KRIT1: variants seen among roughly 807,000 people sequenced by gnomAD.
The protein encoded by KRIT1 is krev interaction trapped protein 1.
KRIT1 carries 45 observed loss-of-function variants against 95.8 expected under a neutral mutation model. That is an observed-to-expected ratio of 0.47 (90% CI 0.37 to 0.60). KRIT1 has a LOEUF of 0.60. Ranked by LOEUF, KRIT1 falls within the 20% of genes least tolerant of loss-of-function variation. KRIT1 has a pLI of 0.00. For synonymous variants in KRIT1, 282 were observed against 278.8 expected (o/e 1.01, Z -0.11); for missense variants, 788 against 877.5 (o/e 0.90, Z 1.29).
In KRIT1 at chr7:92,213,369, T is replaced by G. The variant is rs906092829; in HGVS notation, c.1851A>C (p.Glu617Asp). 27 of 1,612,556 alleles carry G rather than the reference T, an allele frequency of 1.7e-5. No homozygotes were observed. The highest frequency in any genetic ancestry group is 2.3e-5 in the Non-Finnish European group (27 of 1,178,728). Residue 617 changes from glutamate to aspartate, a missense_variant, in exon 17 of 19, where the codon GAA (glutamate) becomes GAC (aspartate). Glu to Asp is a conservative substitution (Grantham distance 45). Transcript: ENST00000394505. ...AGAACATGCGCTGAAGGTGATGCATTTCTTTACTGACACCTTCACTTGTAC... is the reference window on the plus strand; with the variant it reads ...AGAACATGCGCTGAAGGTGATGCATGTCTTTACTGACACCTTCACTTGTAC... ...NLSTSEGVSK[E>D]MHHLQRMFLQ...
intron 14 of KRIT1, among the ~76,000 whole-genome samples, chr7:92,217,405 C>T (rs1407744554): frequency 6.6e-6 from 1 of 152,180 alleles, no homozygotes; most frequent in Non-Finnish European, 1.5e-5. Flanking sequence ...AAGAGAAATT[C>T]TGCTAACTGG....
chr7:92,233,591 G>C (rs1198192958), intron 10 of KRIT1, among the ~76,000 whole-genome samples: 1 of 151,884 alleles, frequency 6.6e-6, no homozygotes, highest in Admixed American at 6.6e-5. Flanking sequence ...ATTTTTAGTG[G>C]AGACGGGGTT....
chr7:92,223,892 T>TTTGG (rs1795674862), intron 12 of KRIT1, among the ~76,000 whole-genome samples: 1 of 152,206 alleles, frequency 6.6e-6, no homozygotes, highest in Admixed American at 6.5e-5. Context: ...GCCAGTTCAC[T>TTTGG]TTGGATAAAA....
chr7:92,234,442 C>A lies in KRIT1; in HGVS notation c.989+7G>T. 5 of 1,584,860 alleles carry A rather than the reference C, an allele frequency of 3.2e-6. No homozygotes were observed. Among genetic ancestry groups the A allele is most frequent in the African/African-American group, 1.3e-5 (1 of 74,442 alleles). On this transcript the variant is annotated splice_region_variant and intron_variant, in intron 10 of 18. Transcript: ENST00000394505. ...TCTAAAAAGAAAAGAATAAATATTC[C>A]ATTTACCAGCATGCATAATGAATGG...
At position 92,199,701 on chromosome 7, in the gene KRIT1, T is replaced by C. The variant is rs1789777673; in HGVS notation, c.*1035A>G. The C allele has an allele frequency of 6.6e-6, 1 of 152,234 alleles. No homozygotes were observed. The allele number at this position is 152,234 out of a possible 1,614,324, so 9.4% of individuals were successfully genotyped here. A position where few individuals can be genotyped will look rare whatever the true frequency, so the allele number is the denominator to read the frequency against. On this transcript the variant is annotated 3_prime_UTR_variant, in exon 19 of 19. Transcript: ENST00000394505. ...TTGTGTGCCAGGCAGTTTTGTGAAA[T>C]TTCTCAACTTTAATAATCGAAATTC...
chr7:92,201,782 C>T (rs570943978), intron 17 of KRIT1, among the ~76,000 whole-genome samples: 2 of 151,966 alleles, frequency 1.3e-5, no homozygotes, highest in South Asian at 4.2e-4. Context: ...TGAGAACATG[C>T]GGTGTTTGGT....
intron 17 of KRIT1, among the ~76,000 whole-genome samples, chr7:92,208,092 A>G (rs1057444344): frequency 6.6e-6 from 1 of 152,128 alleles, no homozygotes; most frequent in Admixed American, 6.5e-5. Context: ...ATTAAACAAC[A>G]TGCTCCTGAA....
At chr7:92,237,905 T>A in intron 5 of KRIT1, 146 bp from the exon 6 acceptor site, 1 of 600,132 alleles carries the variant, frequency 1.7e-6, no homozygotes, top group South Asian at 2.0e-5. Flanking sequence ...TATGTACTAA[T>A]AAAAACTGAT....
intron 8 of KRIT1, among the ~76,000 whole-genome samples, 184 bp downstream of exon 8, chr7:92,235,219 C>T (rs1481782708): frequency 1.3e-5 from 2 of 152,086 alleles, no homozygotes; most frequent in Non-Finnish European, 2.9e-5. Flanking sequence ...AGGCTGGTCT[C>T]GAACTCCTGA....
intron 17 of KRIT1, among the ~76,000 whole-genome samples, chr7:92,204,729 G>A (rs1338580045): frequency 2.0e-5 from 3 of 152,100 alleles, no homozygotes; most frequent in Non-Finnish European, 4.4e-5. Flanking sequence ...TAATGCAAGT[G>A]ATAGGGAGTG....
At chr7:92,246,014 C>G, upstream of KRIT1, 1 of 246,746 alleles carries the variant, frequency 4.1e-6, no homozygotes, top group South Asian at 3.9e-5. Flanking sequence ...CTCCTTTTCA[C>G]TGGACCTGCA....
At chr7:92,202,487 G>A (rs1790408949) in intron 17 of KRIT1, among the ~76,000 whole-genome samples, 1 of 152,070 alleles carries the variant, frequency 6.6e-6, no homozygotes, top group South Asian at 2.1e-4. Context: ...TATTATTTGT[G>A]TACATATAAA....
In KRIT1 at chr7:92,206,327, G is replaced by A. The variant is rs377589415; in HGVS notation, c.2026-4904C>T. ...GCCCACATGTACTATCTAGGGGCCTGAGGAAAGGCATGCCCTGCCTACTGG... is the reference window on the plus strand; with the variant it reads ...GCCCACATGTACTATCTAGGGGCCTAAGGAAAGGCATGCCCTGCCTACTGG... On this transcript the variant is annotated intron_variant, in intron 17 of 18. Coordinates refer to ENST00000394505, the MANE Select transcript of KRIT1 (RefSeq NM_194454.3). The A allele has an allele frequency of 2.6e-5, 4 of 152,498 alleles. 1 individual carries two copies. The allele number at this position is 152,498 out of a possible 1,614,324, so 9.4% of individuals were successfully genotyped here.
chr7:92,218,684 T>C (rs1310530719), intron 14 of KRIT1, among the ~76,000 whole-genome samples: 1 of 152,202 alleles, frequency 6.6e-6, no homozygotes, highest in African/African-American at 2.4e-5. Context: ...TGATCATTTT[T>C]AATTGGGTTG....
intron 17 of KRIT1, among the ~76,000 whole-genome samples, chr7:92,210,370 A>G (rs1792529216): frequency 6.6e-6 from 1 of 152,228 alleles, no homozygotes; most frequent in Admixed American, 6.5e-5. Flanking sequence ...GAACCCAGAA[A>G]TAAATCCATG....
chr7:92,203,378 A>G (rs1474260046), intron 17 of KRIT1, among the ~76,000 whole-genome samples: 4 of 152,192 alleles, frequency 2.6e-5, no homozygotes, highest in Admixed American at 2.6e-4. Context: ...AGGTGCCATA[A>G]ATTTATCAGT....
At chr7:92,204,919 G>C (rs1277211647) in intron 17 of KRIT1, among the ~76,000 whole-genome samples, 1 of 152,066 alleles carries the variant, frequency 6.6e-6, no homozygotes, top group African/African-American at 2.4e-5. Flanking sequence ...TATGTTCCTA[G>C]ATATTTTATC....
intron 5 of KRIT1, among the ~76,000 whole-genome samples, chr7:92,238,528 A>G (rs987491728): frequency 2.0e-5 from 3 of 152,186 alleles, no homozygotes; most frequent in African/African-American, 2.4e-5. Flanking sequence ...TCTATATTAT[A>G]GCCTCCAATT....
In KRIT1 at chr7:92,241,071, T is replaced by C. The variant is rs1445762450; in HGVS notation, c.184A>G (p.Ser62Gly). ...VLLETKLQGN[S>G]EITQGILDYV... is the part of the protein sequence containing the mutation. The stretch of plus-strand genomic sequence containing the variant: ...TCCAATATGCCTTGTGTTATTTCAC[T>C]GTTGCCTTGAAGTTTCGTTTCCAAT... The change falls in exon 5 of 19, where the codon AGT becomes GGT. Residue 62 changes from serine (S) to glycine (G), a missense_variant. Coordinates refer to ENST00000394505, the MANE Select transcript of KRIT1 (RefSeq NM_194454.3). 2.5e-6 allele frequency: 4 copies of C among 1,611,548 alleles called. No individual in the cohort carries two copies. The highest frequency in any genetic ancestry group is 2.7e-5 in the African/African-American group (2 of 75,016).
Sources: gnomAD v4.1 joint callset for allele counts (sites outside exome capture counted in the v4.1 genomes callset) on GRCh38, gnomAD v4.1.1 for gene constraint, MANE v1.5 for transcripts, NCBI Gene and HGNC (gene_info 2026-07-23, HGNC 2026-07-21) for gene names.